The following TRIM62 variants were observed in gnomAD, a reference collection of about 807,000 sequenced individuals.
The protein encoded by TRIM62 is E3 ubiquitin-protein ligase TRIM62.
TRIM62 carries 39 observed loss-of-function variants against 44.2 expected under a neutral mutation model. The observed-to-expected ratio is 0.88, with a 90% CI of 0.68 to 1.15. TRIM62 has a LOEUF of 1.15. Ranked by LOEUF, TRIM62 falls within the 50% of genes most tolerant of loss-of-function variation. The pLI, the probability that TRIM62 is intolerant of heterozygous loss-of-function variation, is 0.00. For synonymous variants in TRIM62, 278 were observed against 292.3 expected (o/e 0.95, Z 0.50); for missense variants, 544 against 665.5 (o/e 0.82, Z 2.01).
intron 1 of TRIM62, among the ~76,000 whole-genome samples, chr1:33,172,549 G>C (rs1385978091): frequency 1.3e-5 from 2 of 152,080 alleles, no homozygotes; most frequent in African/African-American, 4.8e-5. Flanking sequence ...CCATCGGAGC[G>C]GGGGTGGGCC....
rs543804390 is a variant in TRIM62 at position 33,174,021 on chromosome 1, TTTA to T, written c.408+7001_408+7003del. On this transcript the variant is annotated intron_variant, in intron 1 of 4. Coordinates refer to ENST00000291416, the MANE Select transcript of TRIM62 (RefSeq NM_018207.3). Reference sequence around the variant, plus strand: ...TGCTTAGCCTCTTTTTAAAAAAAATTTTATTGAGGTAAAATATACATATATACC... The same window carrying T: ...TGCTTAGCCTCTTTTTAAAAAAAATTTTGAGGTAAAATATACATATATACC... Among the ~76,000 whole-genome samples, 13 of 152,044 alleles carry T rather than the reference TTTA, an allele frequency of 8.6e-5. No homozygotes were observed. The East Asian group carries it at 2.3e-3, about 27-fold the overall frequency.
Position 33,147,398 on chromosome 1 carries a change from G to T in TRIM62, c.1207C>A (p.Pro403Thr). The change falls in exon 5 of 5, where the codon CCC (proline) becomes ACC (threonine). Residue 403 changes from proline (P) to threonine (T), a missense_variant. Transcript: ENST00000291416. This position sits in a 1 kb window ranked among gnomAD's most constrained non-coding sequence, Gnocchi z 8.1. ...TCCCGGACGTTAAGCCGCGTCCAGG[G>T]CTCCGTGCAGGCGCTGTACTGGTTG... ...DGNQYSACTE[P>T]WTRLNVRDKL... 2.5e-6 allele frequency: 4 copies of T among 1,614,178 alleles called. No individual in the cohort carries two copies. Among genetic ancestry groups the T allele is most frequent in the South Asian group, 1.1e-5 (1 of 91,078 alleles).
In TRIM62 at chr1:33,159,874, C is replaced by T. The variant is rs762636288; in HGVS notation, c.575G>A (p.Arg192His). The stretch of plus-strand genomic sequence containing the variant: ...CAGCTCCTCTAGCATGGCCTTCTGG[C>T]GTTCACGCAGCAGCCGGTGCAGCCG... ...FERLHRLLRE[R>H]QKAMLEELEA... is the part of the protein sequence containing the mutation. Residue 192 changes from arginine (R) to histidine (H), a missense_variant, in exon 3 of 5, where the codon CGC (arginine) becomes CAC (histidine). Physicochemically the swap from Arg to His is conservative, Grantham distance 29. Transcript: ENST00000291416. This position sits in a 1 kb window ranked among gnomAD's most constrained non-coding sequence, Gnocchi z 4.2. The T allele has an allele frequency of 9.3e-6, 15 of 1,612,216 alleles. No homozygotes were observed. The highest frequency in any genetic ancestry group is 1.6e-4 in the Middle Eastern group (1 of 6,082).
chr1:33,180,987 C>A (rs749912609), intron 1 of TRIM62, 38 bp downstream of exon 1: 2 of 1,410,646 alleles, frequency 1.4e-6, no homozygotes, highest in African/African-American at 1.4e-5. Flanking sequence ...ACCTCCAGCC[C>A]GGCCCCGCCC....
chr1:33,155,367 G>A (rs1186988739), intron 4 of TRIM62, among the ~76,000 whole-genome samples: 2 of 151,992 alleles, frequency 1.3e-5, no homozygotes, highest in Non-Finnish European at 1.5e-5. Context: ...CACCATGCCC[G>A]GCCTCCCCTG....
chr1:33,149,408 C>T (rs948363273), intron 4 of TRIM62, among the ~76,000 whole-genome samples: 6 of 151,802 alleles, frequency 4.0e-5, no homozygotes, highest in African/African-American at 1.5e-4. Flanking sequence ...CCCACCTCGG[C>T]CTCCCAAAGT....
At chr1:33,150,176 A>T (rs1455064549) in intron 4 of TRIM62, among the ~76,000 whole-genome samples, 3 of 152,238 alleles carry the variant, frequency 2.0e-5, no homozygotes, top group Non-Finnish European at 4.4e-5. Flanking sequence ...CAAGACAGAG[A>T]TGAGGAAAAG....
In TRIM62 at chr1:33,146,396, ACT is replaced by A. The variant is rs1645022041; in HGVS notation, c.*779_*780del. The A allele has an allele frequency of 6.3e-6, 1 of 159,576 alleles. No homozygotes were observed. The highest frequency in any genetic ancestry group is 1.4e-5 in the Non-Finnish European group (1 of 72,402). The allele number at this position is 159,576 out of a possible 1,614,324, so 9.9% of individuals were successfully genotyped here. A position where few individuals can be genotyped will look rare whatever the true frequency, so the allele number is the denominator to read the frequency against. On this transcript the variant is annotated 3_prime_UTR_variant, in exon 5 of 5. Coordinates refer to ENST00000291416, the MANE Select transcript of TRIM62 (RefSeq NM_018207.3). ...GGCCTGGCTGAAGAGGGTTGGCTGG[ACT>A]CTTGTTCAGAGCTACTGGGGACCTC...
chr1:33,177,027 A>C lies in TRIM62; in HGVS notation c.408+3998T>G, dbSNP rs1645424773. Among the ~76,000 whole-genome samples the C allele has an allele frequency of 8.2e-6, 1 of 122,422 alleles. No homozygotes were observed. The highest frequency in any genetic ancestry group is 2.7e-4 in the South Asian group (1 of 3,690). The allele number at this position is 122,422 out of a possible 152,430, so 80.3% of individuals were successfully genotyped here. A position where few individuals can be genotyped will look rare whatever the true frequency, so the allele number is the denominator to read the frequency against. ...TGGAGGTGGGGAGGAAGACACCAACACACATACACATGCACACACACACGC... is the reference window on the plus strand; with the variant it reads ...TGGAGGTGGGGAGGAAGACACCAACCCACATACACATGCACACACACACGC... On this transcript the variant is annotated intron_variant, in intron 1 of 4. Coordinates refer to ENST00000291416, the MANE Select transcript of TRIM62 (RefSeq NM_018207.3). The surrounding 1 kb of genome is among the most constrained non-coding windows in gnomAD (Gnocchi z 4.1).
At chr1:33,156,384 C>T (rs1334491850) in intron 4 of TRIM62, among the ~76,000 whole-genome samples, 1 of 152,230 alleles carries the variant, frequency 6.6e-6, no homozygotes, top group African/African-American at 2.4e-5. Flanking sequence ...CCAATGACTT[C>T]CCTGTTGCTA....
chr1:33,152,344 T>G (rs1432065911), intron 4 of TRIM62, among the ~76,000 whole-genome samples: 1 of 152,100 alleles, frequency 6.6e-6, no homozygotes, highest in Non-Finnish European at 1.5e-5. Flanking sequence ...GGCAGGCGGA[T>G]CACCTGAGGT....
rs1289815009 is a variant in TRIM62, at chr1:33,159,682, A to C, written c.761+6T>G. The C allele has an allele frequency of 3.7e-6, 6 of 1,602,460 alleles. No homozygotes were observed. In the Admixed American group the frequency reaches 8.4e-5, roughly 22 times the overall value. ...GCCGGGGAGGGCCCCGGCGGGTGGCACTTACCGCTCGGACAGTGAGGCCAC... is the reference window on the plus strand; with the variant it reads ...GCCGGGGAGGGCCCCGGCGGGTGGCCCTTACCGCTCGGACAGTGAGGCCAC... On this transcript the variant is annotated splice_donor_region_variant and intron_variant, in intron 3 of 4. Transcript: ENST00000291416. The surrounding 1 kb of genome is among the most constrained non-coding windows in gnomAD (Gnocchi z 4.2).
intron 1 of TRIM62, among the ~76,000 whole-genome samples, chr1:33,169,668 G>A (rs988134278): frequency 1.4e-4 from 22 of 152,212 alleles, no homozygotes; most frequent in African/African-American, 4.6e-4. Context: ...TGGTCCAGAC[G>A]TGTGCTGTTC....
chr1:33,158,448 G>A, intron 3 of TRIM62, 80 bp from the exon 4 acceptor site: 1 of 1,127,918 alleles, frequency 8.9e-7, no homozygotes, highest in Non-Finnish European at 1.3e-6. Flanking sequence ...GCCACCTTCA[G>A]GGCAGCTGGC....
chr1:33,164,803 G>T, intron 2 of TRIM62: 1 of 151,798 alleles, frequency 6.6e-6, no homozygotes. Context: ...TTTAGAGACA[G>T]GGTATCACTC....
At chr1:33,166,619 A>T (rs979522150) in intron 1 of TRIM62, among the ~76,000 whole-genome samples, 1 of 152,228 alleles carries the variant, frequency 6.6e-6, no homozygotes, top group African/African-American at 2.4e-5. Flanking sequence ...GCCCCATAGC[A>T]TACAGATAAA....
In TRIM62 at chr1:33,159,721, G is replaced by A. The variant is rs894785878; in HGVS notation, c.728C>T (p.Thr243Ile). 5.6e-6 allele frequency: 9 copies of A among 1,611,376 alleles called. No homozygotes were observed. The highest frequency in any genetic ancestry group is 7.6e-6 in the Non-Finnish European group (9 of 1,179,370). Residue 243 changes from threonine to isoleucine, a missense_variant, in exon 3 of 5, where the codon ACC (threonine) becomes ATC (isoleucine). By Grantham distance (89) the Thr-to-Ile change is moderately conservative. Coordinates refer to ENST00000291416, the MANE Select transcript of TRIM62 (RefSeq NM_018207.3). This position sits in a 1 kb window ranked among gnomAD's most constrained non-coding sequence, Gnocchi z 4.2. ...QERLAETDRH[T>I]FLAGVASLSE... ...CAGTGAGGCCACCCCAGCCAGGAAG[G>A]TGTGCCGGTCGGTTTCAGCCAGCCG...
At chr1:33,154,294 A>G (rs543318379) in intron 4 of TRIM62, among the ~76,000 whole-genome samples, 1 of 152,180 alleles carries the variant, frequency 6.6e-6, no homozygotes, top group African/African-American at 2.4e-5. Context: ...CTGACCCAGG[A>G]CAGCCCTGGA....
intron 3 of TRIM62, among the ~76,000 whole-genome samples, chr1:33,158,756 T>C (rs1322599236): frequency 6.6e-6 from 1 of 152,230 alleles, no homozygotes. Flanking sequence ...CACAGAGACC[T>C]AGGCTTGAAT....
Sources: allele counts gnomAD v4.1 joint callset (sites outside exome capture counted in the v4.1 genomes callset), GRCh38; gene constraint gnomAD v4.1.1; non-coding constraint Gnocchi (gnomAD v3.1); transcripts MANE v1.5; gene names NCBI Gene and HGNC (gene_info 2026-07-23, HGNC 2026-07-21).